The following TBC1D5 variants were observed in gnomAD, a reference collection of about 807,000 sequenced individuals.
TBC1D5 encodes TBC1 domain family, member 5.
TBC1D5 carries 75 observed loss-of-function variants against 100.3 expected under a neutral mutation model. That is an observed-to-expected ratio of 0.75 (90% CI 0.62 to 0.91). The LOEUF (loss-of-function observed/expected upper bound fraction) is 0.91. TBC1D5 is among the 40% of genes least tolerant of loss of function. The pLI is 0.00. For missense variants in TBC1D5, 910 were observed against 942.4 expected, an observed-to-expected ratio of 0.97 and a Z score of 0.45; for synonymous variants, 323 against 325.6, an observed-to-expected ratio of 0.99 and a Z score of 0.09.
chr3:17,323,470 A>G (rs2085690519), intron 13 of TBC1D5, among the ~76,000 whole-genome samples: 1 of 152,120 alleles, frequency 6.6e-6, no homozygotes, highest in Non-Finnish European at 1.5e-5. Flanking sequence ...ATCCCAAACA[A>G]CTGTACAAAA....
At chr3:17,383,632 C>G (rs988241627) in intron 9 of TBC1D5, among the ~76,000 whole-genome samples, 2 of 151,856 alleles carry the variant, frequency 1.3e-5, no homozygotes, top group African/African-American at 4.8e-5. Context: ...ACTAGATTGC[C>G]TTCAAAGATG....
chr3:17,654,235 A>C (rs2065847647), intron 1 of TBC1D5, among the ~76,000 whole-genome samples: 2 of 152,152 alleles, frequency 1.3e-5, no homozygotes, highest in South Asian at 4.1e-4. Context: ...TAGCAATATC[A>C]CTAGAATTAC....
chr3:17,185,229 T>C, intron 18 of TBC1D5, 21 bp from the exon 20 acceptor site: 6 of 1,598,448 alleles, frequency 3.8e-6, no homozygotes, highest in Non-Finnish European at 5.1e-6. Flanking sequence ...GGGATAAACA[T>C]ATGGAAATTT....
chr3:17,557,814 C>T (rs1239729867), intron 2 of TBC1D5, among the ~76,000 whole-genome samples: 3 of 151,960 alleles, frequency 2.0e-5, no homozygotes, highest in African/African-American at 7.3e-5. Context: ...ACATAAATAT[C>T]AGAAATTTTA....
chr3:17,374,207 T>G (rs993489097), intron 12 of TBC1D5, among the ~76,000 whole-genome samples: 1 of 151,974 alleles, frequency 6.6e-6, no homozygotes, highest in East Asian at 1.9e-4. Flanking sequence ...TATAATAATT[T>G]TGTAACGAAG....
chr3:17,158,922 T>C (rs1477201066), exon 22 of TBC1D5: 1 of 152,210 alleles, frequency 6.6e-6, no homozygotes, highest in Non-Finnish European at 1.5e-5. Context: ...CTACACCTCT[T>C]ACCTTAGAAC....
At chr3:17,665,169 G>A (rs2067123720) in intron 1 of TBC1D5, 1 of 151,876 alleles carries the variant, frequency 6.6e-6, no homozygotes, top group Admixed American at 6.6e-5. Context: ...ACTACAGAAG[G>A]GCCTTGTGCT....
chr3:17,693,008 T>C (rs1376994641), intron 1 of TBC1D5, among the ~76,000 whole-genome samples: 1 of 152,176 alleles, frequency 6.6e-6, no homozygotes, highest in Admixed American at 6.5e-5. Flanking sequence ...CCTTGGCATA[T>C]GAGGCTCTGC....
chr3:17,171,020 G>C (rs2067126195), intron 19 of TBC1D5, among the ~76,000 whole-genome samples: 1 of 152,124 alleles, frequency 6.6e-6, no homozygotes, highest in Admixed American at 6.5e-5. Flanking sequence ...GTCTATACAA[G>C]ATCTTCCCAA....
chr3:17,410,013 G>A (rs994785319), intron 4 of TBC1D5, among the ~76,000 whole-genome samples: 6 of 152,134 alleles, frequency 3.9e-5, no homozygotes, highest in African/African-American at 1.4e-4. Flanking sequence ...TCTATTGAAG[G>A]AGGATGCCAT....
chr3:17,552,336 G>C (rs73160951), intron 2 of TBC1D5, among the ~76,000 whole-genome samples: 10,990 of 152,112 alleles, frequency 0.072, 811 homozygotes, highest in African/African-American at 0.19. Context: ...ATTTTGGAAA[G>C]ATTTCAAAGG....
chr3:17,591,450 C>T (rs1401851612), intron 2 of TBC1D5, among the ~76,000 whole-genome samples: 1 of 151,900 alleles, frequency 6.6e-6, no homozygotes, highest in Admixed American at 6.6e-5. Flanking sequence ...AGCCTTTTAC[C>T]AGGGTAACTG....
intron 16 of TBC1D5, among the ~76,000 whole-genome samples, chr3:17,241,809 A>G (rs1037783169): frequency 1.3e-5 from 2 of 152,214 alleles, no homozygotes; most frequent in Non-Finnish European, 2.9e-5. Flanking sequence ...TCATGCCATC[A>G]TACTGCATGG....
intron 1 of TBC1D5, among the ~76,000 whole-genome samples, chr3:17,716,031 G>A (rs1043011075): frequency 1.1e-4 from 16 of 151,876 alleles, no homozygotes; most frequent in African/African-American, 2.9e-4. Flanking sequence ...CAGCCTGGGC[G>A]AAAAGAGTGA....
intron 18 of TBC1D5, among the ~76,000 whole-genome samples, chr3:17,187,041 T>C (rs2069211526): frequency 6.6e-6 from 1 of 152,178 alleles, no homozygotes; most frequent in African/African-American, 2.4e-5. Flanking sequence ...TTCTCACTTG[T>C]TTCTGAACAG....
At chr3:17,455,528 A>ATGTGTGTG (rs1466571973) in intron 3 of TBC1D5, among the ~76,000 whole-genome samples, 2 of 102,626 alleles carry the variant, frequency 1.9e-5, no homozygotes, top group Non-Finnish European at 3.9e-5. Context: ...ATATATATAT[A>ATGTGTGTG]TATGTGTGTG....
At chr3:17,387,663 C>A (rs2093207847) in intron 8 of TBC1D5, among the ~76,000 whole-genome samples, 1 of 151,658 alleles carries the variant, frequency 6.6e-6, no homozygotes, top group African/African-American at 2.4e-5. Flanking sequence ...GTTTTATTTA[C>A]CCCTTGCTAG....
intron 13 of TBC1D5, among the ~76,000 whole-genome samples, chr3:17,321,018 T>G (rs576914911): frequency 7.9e-5 from 12 of 152,338 alleles, no homozygotes; most frequent in African/African-American, 2.2e-4. Context: ...TAAATGTATA[T>G]GTTTGAAAAA....
intron 2 of TBC1D5, among the ~76,000 whole-genome samples, chr3:17,610,479 G>A (rs958357142): frequency 6.6e-6 from 1 of 152,014 alleles, no homozygotes; most frequent in Non-Finnish European, 1.5e-5. Context: ...GAGCCACTGC[G>A]CCCAGCCTCT....
Sources: allele counts gnomAD v4.1 joint callset (sites outside exome capture counted in the v4.1 genomes callset), GRCh38; gene constraint gnomAD v4.1.1; transcripts MANE v1.5; gene names NCBI Gene and HGNC (gene_info 2026-07-23, HGNC 2026-07-21).